Variants in NDST3 observed in about 807,000 individuals in gnomAD.
NDST3 encodes the protein N-deacetylase and N-sulfotransferase 3, also known as bifunctional heparan sulfate N-deacetylase/N-sulfotransferase 3.
NDST3 carries 58 observed loss-of-function variants against 96.1 expected under a neutral mutation model. That is an observed-to-expected ratio of 0.60 (90% confidence interval 0.49 to 0.75). NDST3 has a LOEUF of 0.75. Ranked by LOEUF, NDST3 falls within the 30% of genes least tolerant of loss-of-function variation. The pLI is 0.00. For synonymous variants in NDST3, 333 were observed against 359.7 expected (o/e 0.93, Z 0.84); for missense variants, 788 against 1,034.2 (o/e 0.76, Z 3.27).
chr4:118,087,885 G>C (rs746040537), intron 2 of NDST3, among the ~76,000 whole-genome samples: 7 of 152,016 alleles, frequency 4.6e-5, no homozygotes, highest in African/African-American at 7.2e-5. Context: ...GAATGGGATA[G>C]GTTTCTCCAT....
At chr4:118,168,819 T>C (rs1156712015) in intron 6 of NDST3, among the ~76,000 whole-genome samples, 1 of 152,176 alleles carries the variant, frequency 6.6e-6, no homozygotes, top group Non-Finnish European at 1.5e-5. Context: ...CTGCTATGTG[T>C]GACAACATGG....
intron 3 of NDST3, among the ~76,000 whole-genome samples, chr4:118,109,738 A>G (rs986722045): frequency 6.6e-6 from 1 of 152,222 alleles, no homozygotes; most frequent in African/African-American, 2.4e-5. Flanking sequence ...TAATTGAATT[A>G]TATTGTCTTC....
intron 5 of NDST3, among the ~76,000 whole-genome samples, chr4:118,142,566 T>G (rs1365278413): frequency 6.6e-6 from 1 of 152,126 alleles, no homozygotes; most frequent in Non-Finnish European, 1.5e-5. Context: ...AAATGTGCTT[T>G]AAGACTCAAG....
chr4:118,166,831 T>C (rs1373693162), intron 6 of NDST3, among the ~76,000 whole-genome samples: 3 of 151,942 alleles, frequency 2.0e-5, no homozygotes, highest in Non-Finnish European at 4.4e-5. Flanking sequence ...GAAAAATTGT[T>C]TGACAAAATG....
intron 6 of NDST3, among the ~76,000 whole-genome samples, chr4:118,153,649 C>T (rs937922810): frequency 2.0e-5 from 3 of 151,988 alleles, no homozygotes; most frequent in Non-Finnish European, 4.4e-5. Flanking sequence ...CACTGTGAAA[C>T]CCAGTCTATA....
chr4:118,249,692 A>C (rs1288846190), intron 12 of NDST3, among the ~76,000 whole-genome samples: 2 of 151,722 alleles, frequency 1.3e-5, no homozygotes, highest in Non-Finnish European at 2.9e-5. Flanking sequence ...AGAGTTATAA[A>C]TTCTACAAGA....
At chr4:118,057,303 A>G (rs1725507237) in intron 2 of NDST3, among the ~76,000 whole-genome samples, 1 of 152,068 alleles carries the variant, frequency 6.6e-6, no homozygotes, top group African/African-American at 2.4e-5. Context: ...AAAGGTCATA[A>G]TAAAAATTTC....
At chr4:118,220,825 A>G (rs1344571410) in intron 6 of NDST3, among the ~76,000 whole-genome samples, 1 of 152,042 alleles carries the variant, frequency 6.6e-6, no homozygotes. Context: ...TATATTTATG[A>G]ACTTAATAAA....
At chr4:118,104,626 C>G (rs1730021476) in intron 2 of NDST3, among the ~76,000 whole-genome samples, 1 of 152,120 alleles carries the variant, frequency 6.6e-6, no homozygotes, top group Non-Finnish European at 1.5e-5. Flanking sequence ...TTTCTTTCAA[C>G]ATACGTTCTT....
intron 2 of NDST3, among the ~76,000 whole-genome samples, chr4:118,058,796 A>T (rs948695137): frequency 1.3e-5 from 2 of 152,094 alleles, no homozygotes; most frequent in Non-Finnish European, 2.9e-5. Context: ...AATTAAAAAA[A>T]GCTTCTACCA....
At chr4:118,048,934 C>T (rs957684325) in intron 1 of NDST3, among the ~76,000 whole-genome samples, 2 of 152,134 alleles carry the variant, frequency 1.3e-5, no homozygotes, top group African/African-American at 2.4e-5. Flanking sequence ...TATTTTTCAT[C>T]TGCACATAAA....
chr4:118,242,186 G>A (rs774638140), intron 12 of NDST3, 37 bp downstream of exon 12: 2 of 1,387,604 alleles, frequency 1.4e-6, no homozygotes, highest in Non-Finnish European at 2.0e-6. Flanking sequence ...TGACATTTCA[G>A]CAGAGAATTG....
At chr4:118,107,311 G>A (rs1415770335) in intron 3 of NDST3, among the ~76,000 whole-genome samples, 4 of 152,048 alleles carry the variant, frequency 2.6e-5, no homozygotes. Context: ...TAATTAAAAT[G>A]AGTAAAGATA....
chr4:118,211,955 A>G (rs2125986875), intron 6 of NDST3, among the ~76,000 whole-genome samples: 1 of 152,246 alleles, frequency 6.6e-6, no homozygotes, highest in Non-Finnish European at 1.5e-5. Context: ...TCAGAAGGCA[A>G]CGACTCAAAG....
At position 118,253,485 on chromosome 4, in the gene NDST3, C is replaced by CTT; in HGVS notation, c.2400-4_2400-3dup. 7.9e-7 allele frequency: 1 copy of CTT among 1,268,892 alleles called. No individual in the cohort carries two copies. The highest frequency in any genetic ancestry group is 1.1e-6 in the Non-Finnish European group (1 of 909,986). 78.6% of individuals were successfully genotyped at this position (1,268,892 alleles called of 1,614,324 possible). On this transcript the variant is annotated splice_polypyrimidine_tract_variant and intron_variant, in intron 12 of 13. Coordinates refer to ENST00000296499, the MANE Select transcript of NDST3 (RefSeq NM_004784.3). ...ATTTTCTGGTTTTTCTGTGTGTATT[C>CTT]TTTTTTTTTTTAGGTTTGATTCTCA...
chr4:118,139,535 T>C (rs1420274142), intron 5 of NDST3, among the ~76,000 whole-genome samples: 1 of 152,040 alleles, frequency 6.6e-6, no homozygotes, highest in Non-Finnish European at 1.5e-5. Context: ...GCCATCCAAA[T>C]AGAGAAGCAA....
At chr4:118,099,136 G>A (rs191853292) in intron 2 of NDST3, among the ~76,000 whole-genome samples, 1 of 152,000 alleles carries the variant, frequency 6.6e-6, no homozygotes, top group African/African-American at 2.4e-5. Context: ...TGTTTTCCAA[G>A]GGGGAACTGT....
At chr4:118,068,716 T>A (rs1726802944) in intron 2 of NDST3, among the ~76,000 whole-genome samples, 1 of 152,138 alleles carries the variant, frequency 6.6e-6, no homozygotes, top group Non-Finnish European at 1.5e-5. Flanking sequence ...ACATTTGATA[T>A]TATTGTAAAA....
At chr4:118,100,266 T>C (rs1008552777) in intron 2 of NDST3, among the ~76,000 whole-genome samples, 1 of 151,988 alleles carries the variant, frequency 6.6e-6, no homozygotes, top group Non-Finnish European at 1.5e-5. Flanking sequence ...CATCTTTATC[T>C]GCCTCAGACA....
Sources: gnomAD v4.1 joint callset for allele counts (sites outside exome capture counted in the v4.1 genomes callset) on GRCh38, gnomAD v4.1.1 for gene constraint, MANE v1.5 for transcripts, NCBI Gene and HGNC (gene_info 2026-07-23, HGNC 2026-07-21) for gene names.